Variants in SLC22A31 observed in about 807,000 individuals in gnomAD.
The protein encoded by SLC22A31 is solute carrier family 22 member 31, also known as putative solute carrier family 22 member 31.
In SLC22A31, 42 loss-of-function variants were observed where a neutral mutation model predicts 27.4. That is an observed-to-expected ratio of 1.53 (90% CI 1.20 to 1.98). SLC22A31 has a LOEUF of 1.98. Among genes scored for constraint, SLC22A31 ranks in the 30% most tolerant of loss-of-function variants. The probability of loss-of-function intolerance (pLI) is 0.00; values close to 1 mark genes in which losing one functional copy is unlikely to be tolerated. For synonymous variants in SLC22A31, 290 were observed against 230.8 expected, an observed-to-expected ratio of 1.26 and a Z score of -2.33; for missense variants, 593 against 479.9, an observed-to-expected ratio of 1.24 and a Z score of -2.20.
In SLC22A31 at chr16:89,199,432, G is replaced by C. The variant is rs1391498051; in HGVS notation, c.264C>G (p.Leu88=). The part of the protein sequence containing the change: ...LLHGGTLAGA[L]LALYLARLEL... ...ACTCACGAGCCAGATACAGGGCGAG[G>C]AGGGCCCCTGCCAATGTGCCCCCGT... Residue 88 remains leucine, a synonymous_variant, in exon 3 of 9, where the codon CTC becomes CTG. Transcript: ENST00000682282. 2 of 547,864 alleles carry C rather than the reference G, an allele frequency of 3.7e-6. No homozygotes were observed. The highest frequency in any genetic ancestry group is 5.7e-5 in the East Asian group (2 of 35,314). The allele number at this position is 547,864 out of a possible 1,614,324, so 33.9% of individuals were successfully genotyped here.
chr16:89,199,228 G>C, intron 3 of SLC22A31, 37 bp from the exon 4 acceptor site: 1 of 1,495,738 alleles, frequency 6.7e-7, no homozygotes. Context: ...GGAGGCCTCG[G>C]GGAGGACTGG....
intron 3 of SLC22A31, 24 bp downstream of exon 3, chr16:89,199,389 G>A (rs1203018967): frequency 1.7e-6 from 1 of 598,492 alleles, no homozygotes; most frequent in Non-Finnish European, 2.9e-6. Context: ...CTCCCCCAGT[G>A]ACAGCAGCCC....
At position 89,195,929 on chromosome 16, in the gene SLC22A31, C is replaced by G; in HGVS notation, c.*70G>C. 1 of 1,416,244 alleles carries G rather than the reference C, an allele frequency of 7.1e-7. No individual in the cohort carries two copies. The highest frequency in any genetic ancestry group is 9.3e-7 in the Non-Finnish European group (1 of 1,080,744). The allele number at this position is 1,416,244 out of a possible 1,614,324, so 87.7% of individuals were successfully genotyped here. ...AATGTGTCTGCCCTGGACCAGACGT[C>G]TGGGGTACTCAGCCATGCCCCAGGC... On this transcript the variant is annotated 3_prime_UTR_variant, in exon 9 of 9. Coordinates refer to ENST00000682282, the MANE Select transcript of SLC22A31 (RefSeq NM_001384763.1).
At position 89,199,172 on chromosome 16, in the gene SLC22A31, A is replaced by C. The variant is rs1355484481; in HGVS notation, c.303T>G (p.Pro101=). 1 of 1,529,526 alleles carries C rather than the reference A, an allele frequency of 6.5e-7. No individual in the cohort carries two copies. Among genetic ancestry groups the C allele is most frequent in the Admixed American group, 2.0e-5 (1 of 49,598 alleles). 94.7% of individuals were successfully genotyped at this position (1,529,526 alleles called of 1,614,324 possible). A position where few individuals can be genotyped will look rare whatever the true frequency, so the allele number is the denominator to read the frequency against. Residue 101 remains proline, a synonymous_variant, in exon 4 of 9, where the codon CCT becomes CCG. Coordinates refer to ENST00000682282, the MANE Select transcript of SLC22A31 (RefSeq NM_001384763.1). ...LYLARLELCD[P]PHRLAFSMGA... is the part of the protein sequence containing the mutation. ...CCATGGAGAAGGCCAGGCGGTGGGG[A>C]GGGTCACACAACTCCAGGCCTGGGC...
Position 89,198,428 on chromosome 16 carries a change from C to G in SLC22A31, c.707+14G>C. 1.3e-6 allele frequency: 2 copies of G among 1,518,382 alleles called. No homozygotes were observed. Among genetic ancestry groups the G allele is most frequent in the Non-Finnish European group, 1.8e-6 (2 of 1,136,880 alleles). The allele number at this position is 1,518,382 out of a possible 1,614,324, so 94.1% of individuals were successfully genotyped here. A position where few individuals can be genotyped will look rare whatever the true frequency, so the allele number is the denominator to read the frequency against. ...CGGGGGATGGTGCAGGACCCCAGCC[C>G]TTCCTCGACTCACGAGCTGAAGCCC... On this transcript the variant is annotated intron_variant, in intron 6 of 8. Transcript: ENST00000682282.
chr16:89,200,155 AC>A (rs548183433), intron 1 of SLC22A31: 64 of 205,022 alleles, frequency 3.1e-4, no homozygotes, highest in African/African-American at 1.5e-3. Context: ...ATTCCGAGGG[AC>A]CCCGGGGACA....
intron 5 of SLC22A31, 31 bp from the exon 6 acceptor site, chr16:89,198,581 G>C (rs372905381): frequency 7.9e-6 from 12 of 1,515,172 alleles, no homozygotes; most frequent in African/African-American, 2.8e-5. Context: ...GGGGAGGGGG[G>C]TGAGGAGCTG....
chr16:89,198,803 G>A lies in SLC22A31; in HGVS notation c.453-6C>T, dbSNP rs1916250798. On this transcript the variant is annotated splice_region_variant and splice_polypyrimidine_tract_variant and intron_variant, in intron 4 of 8. Coordinates refer to ENST00000682282, the MANE Select transcript of SLC22A31 (RefSeq NM_001384763.1). ...CGGGGAACAGGGCCGGGAACCTGCA[G>A]CGTTGGTGAGGATGCCCACGGCTCC... The A allele has an allele frequency of 6.6e-7, 1 of 1,525,856 alleles. No individual in the cohort carries two copies. Among genetic ancestry groups the A allele is most frequent in the African/African-American group, 1.4e-5 (1 of 72,858 alleles). 94.5% of individuals were successfully genotyped at this position (1,525,856 alleles called of 1,614,324 possible).
rs1359097529 is a variant in SLC22A31, at chr16:89,195,875, C to T, written c.*124G>A. ...CCTTCACGCTGTCCCCACGGCTCCA[C>T]CTGCACTGAGACACGGGCTTCTGAG... On this transcript the variant is annotated 3_prime_UTR_variant, in exon 9 of 9. Transcript: ENST00000682282. 18 of 1,186,792 alleles carry T rather than the reference C, an allele frequency of 1.5e-5. No homozygotes were observed. Among genetic ancestry groups the T allele is most frequent in the Non-Finnish European group, 1.9e-5 (17 of 879,338 alleles). 73.5% of individuals were successfully genotyped at this position (1,186,792 alleles called of 1,614,324 possible).
Position 89,198,162 on chromosome 16 carries a change from G to A in SLC22A31, c.882C>T (p.Val294=). The A allele has an allele frequency of 6.5e-7, 1 of 1,535,080 alleles. No homozygotes were observed. Among genetic ancestry groups the A allele is most frequent in the Non-Finnish European group, 8.7e-7 (1 of 1,146,818 alleles). The change falls in exon 7 of 9, where the codon GTC becomes GTT. Residue 294 remains valine (V), a synonymous_variant. Coordinates refer to ENST00000682282, the MANE Select transcript of SLC22A31 (RefSeq NM_001384763.1). ...GGAGCAGCAGGGATGCCAGGCCTGT[G>A]ACCATGGTGCCCAGCAGCAGCACGG... ...RRPVLLLGTM[V]TGLASLLLLA... is the part of the protein sequence containing the mutation.
chr16:89,198,573 G>C (rs1387868787), intron 5 of SLC22A31, 23 bp from the exon 6 acceptor site: 1 of 1,513,254 alleles, frequency 6.6e-7, no homozygotes, highest in Non-Finnish European at 8.8e-7. Context: ...AGATGTGAGG[G>C]GAGGGGGGTG....
At chr16:89,196,723 G>A (rs764321393) in intron 8 of SLC22A31, among the ~76,000 whole-genome samples, 5 of 152,282 alleles carry the variant, frequency 3.3e-5, no homozygotes, top group South Asian at 2.1e-4. Context: ...CAAGGCAGGC[G>A]GATCATGAGG....
In SLC22A31 at chr16:89,198,645, G is replaced by A. The variant is rs1026138552; in HGVS notation, c.598+7C>T. 61 of 1,534,758 alleles carry A rather than the reference G, an allele frequency of 4.0e-5. No individual in the cohort carries two copies. Among genetic ancestry groups the A allele is most frequent in the Non-Finnish European group, 4.9e-5 (56 of 1,146,134 alleles). On this transcript the variant is annotated splice_region_variant and intron_variant, in intron 5 of 8. Transcript: ENST00000682282. ...TGAATCTCCCTCCTCCCTGGTAGGC[G>A]CCTGACCTGTAGCCAGGGAGTTCTC...
At chr16:89,197,766 C>T (rs1396192623) in intron 7 of SLC22A31, among the ~76,000 whole-genome samples, 1 of 151,950 alleles carries the variant, frequency 6.6e-6, no homozygotes, top group African/African-American at 2.4e-5. Flanking sequence ...CACCTAGCTC[C>T]ACACACCATG....
chr16:89,200,994 G>A, upstream of SLC22A31: 1 of 349,850 alleles, frequency 2.9e-6, no homozygotes. Flanking sequence ...CGGCGCCTTC[G>A]GCTCCAATCC....
chr16:89,198,074 G>A (rs1201943087), intron 7 of SLC22A31, 48 bp downstream of exon 7: 9 of 1,522,304 alleles, frequency 5.9e-6, no homozygotes, highest in Admixed American at 2.0e-5. Flanking sequence ...GCAGACCGTC[G>A]GCCCAAACAC....
rs1916291566 is a variant in SLC22A31, at chr16:89,199,100, C to T, written c.375G>A (p.Leu125=). 7 of 1,535,786 alleles carry T rather than the reference C, an allele frequency of 4.6e-6. No individual in the cohort carries two copies. Among genetic ancestry groups the T allele is most frequent in the Non-Finnish European group, 6.1e-6 (7 of 1,146,802 alleles). ...SVVGTLLLPG[L]AALVQDWRLL... is the part of the protein sequence containing the mutation. ...GACGCCAGTCCTGCACAAGCGCAGC[C>T]AGGCCGGGCAGCAGCAGGGTGCCCA... The change falls in exon 4 of 9, where the codon CTG becomes CTA. Residue 125 remains leucine (L), a synonymous_variant. Transcript: ENST00000682282.
At chr16:89,197,828 G>C (rs914420386) in intron 7 of SLC22A31, among the ~76,000 whole-genome samples, 1 of 152,086 alleles carries the variant, frequency 6.6e-6, no homozygotes, top group Non-Finnish European at 1.5e-5. Flanking sequence ...GGCCGGCCTC[G>C]GCCACCTGGA....
chr16:89,199,236 T>C, intron 3 of SLC22A31, 45 bp from the exon 4 acceptor site: 2 of 1,484,552 alleles, frequency 1.3e-6, no homozygotes, highest in Non-Finnish European at 1.8e-6. Flanking sequence ...CGGGGAGGAC[T>C]GGAACAGTTC....
Sources: gnomAD v4.1 joint callset for allele counts (sites outside exome capture counted in the v4.1 genomes callset) on GRCh38, gnomAD v4.1.1 for gene constraint, MANE v1.5 for transcripts, NCBI Gene and HGNC (gene_info 2026-07-23, HGNC 2026-07-21) for gene names.